Variants in NRXN3 observed in about 807,000 individuals in gnomAD.
The protein encoded by NRXN3 is neurexin 3.
A neutral mutation model predicts 137.6 loss-of-function variants in NRXN3; 32 were observed. That is an observed-to-expected ratio of 0.23 (90% CI 0.18 to 0.31). The LOEUF (loss-of-function observed/expected upper bound fraction) is 0.31, where lower values mean the gene tolerates loss of function less well. Ranked by LOEUF, NRXN3 falls within the 10% of genes least tolerant of loss-of-function variation. NRXN3 has a pLI of 1.00. For missense variants in NRXN3, 1,574 were observed against 2,062.5 expected, an observed-to-expected ratio of 0.76 and a Z score of 4.59; for synonymous variants, 798 against 784.5, an observed-to-expected ratio of 1.02 and a Z score of -0.29.
chr14:79,717,365 G>C (rs756292515), intron 19 of NRXN3, among the ~76,000 whole-genome samples: 11 of 152,168 alleles, frequency 7.2e-5, no homozygotes, highest in Non-Finnish European at 1.0e-4. Flanking sequence ...CTTGAAAATG[G>C]AACTGGCTCC....
intron 4 of NRXN3, among the ~76,000 whole-genome samples, chr14:78,553,394 C>A (rs533838191): frequency 6.6e-6 from 1 of 152,262 alleles, no homozygotes; most frequent in South Asian, 2.1e-4. Flanking sequence ...TTGGTGAACC[C>A]TGCTACAGTC....
intron 4 of NRXN3, among the ~76,000 whole-genome samples, chr14:78,397,793 AG>A (rs1324630078): frequency 6.6e-6 from 1 of 151,480 alleles, no homozygotes; most frequent in African/African-American, 2.4e-5. Flanking sequence ...TAGTAGAGAC[AG>A]GGTTTCACCA....
chr14:78,813,857 T>C (rs375950072), intron 10 of NRXN3, among the ~76,000 whole-genome samples: 1 of 152,200 alleles, frequency 6.6e-6, no homozygotes, highest in East Asian at 1.9e-4. Flanking sequence ...TCTAGCCTTC[T>C]TCCTTTTGGC....
At chr14:78,969,814 A>AGT (rs376306137) in intron 14 of NRXN3, among the ~76,000 whole-genome samples, 20,054 of 141,310 alleles carry the variant, frequency 0.14, 1,502 homozygotes, top group Admixed American at 0.22. Context: ...TGTACTATGT[A>AGT]GTGTGTGTGT....
intron 17 of NRXN3, among the ~76,000 whole-genome samples, chr14:79,691,575 G>A (rs1414446021): frequency 6.6e-6 from 1 of 151,972 alleles, no homozygotes; most frequent in Non-Finnish European, 1.5e-5. Context: ...CTACCTCTTT[G>A]ACAAAGATAA....
intron 19 of NRXN3, among the ~76,000 whole-genome samples, chr14:79,738,060 C>T (rs1250345718): frequency 6.6e-6 from 1 of 152,034 alleles, no homozygotes; most frequent in Non-Finnish European, 1.5e-5. Context: ...AAGATCCCAC[C>T]AGGGGGATCT....
intron 16 of NRXN3, among the ~76,000 whole-genome samples, chr14:79,581,642 A>G (rs1440173520): frequency 1.3e-5 from 2 of 152,166 alleles, no homozygotes; most frequent in African/African-American, 4.8e-5. Context: ...CTCAAGTCAA[A>G]TTATATTTCT....
intron 16 of NRXN3, among the ~76,000 whole-genome samples, chr14:79,502,558 T>C (rs1311601245): frequency 6.7e-6 from 1 of 149,068 alleles, no homozygotes; most frequent in Non-Finnish European, 1.5e-5. Flanking sequence ...TCCCTCTTCC[T>C]CTCTCTCCCT....
At chr14:78,245,864 C>A (rs929426995) in intron 2 of NRXN3, among the ~76,000 whole-genome samples, 2 of 152,132 alleles carry the variant, frequency 1.3e-5, no homozygotes, top group South Asian at 4.1e-4. Flanking sequence ...CCACTGAACC[C>A]ACTGGGAGAA....
intron 17 of NRXN3, among the ~76,000 whole-genome samples, chr14:79,668,468 C>T (rs1019084459): frequency 6.6e-6 from 1 of 152,094 alleles, no homozygotes; most frequent in African/African-American, 2.4e-5. Flanking sequence ...CCCAGTGTCA[C>T]ACAGCTTAAG....
intron 19 of NRXN3, among the ~76,000 whole-genome samples, chr14:79,794,426 G>T (rs979566815): frequency 1.3e-5 from 2 of 151,976 alleles, no homozygotes; most frequent in African/African-American, 4.8e-5. Flanking sequence ...TCTCCGGGTT[G>T]CCCTATCTTT....
Position 79,299,897 on chromosome 14 carries a change from C to T in NRXN3, c.3263-167324C>T, listed in dbSNP as rs148477458. ...TGGCATGAAGCCAAGCTATATATTGCGGGATATTTGAGCATCCATTCAGCA... is the reference window on the plus strand; with the variant it reads ...TGGCATGAAGCCAAGCTATATATTGTGGGATATTTGAGCATCCATTCAGCA... On this transcript the variant is annotated intron_variant, in intron 15 of 20. Coordinates refer to ENST00000335750, the MANE Select transcript of NRXN3 (RefSeq NM_001330195.2). 1.8e-4 allele frequency among the ~76,000 whole-genome samples: 28 copies of T among 152,118 alleles called. 1 individual carries two copies. The highest frequency in any genetic ancestry group is 3.8e-4 in the Non-Finnish European group (26 of 67,954).
At chr14:79,217,718 C>T (rs1453463871) in intron 15 of NRXN3, among the ~76,000 whole-genome samples, 3 of 151,968 alleles carry the variant, frequency 2.0e-5, no homozygotes, top group Admixed American at 6.6e-5. Context: ...ACTCTGGTAC[C>T]CTGCTCCCTC....
chr14:79,094,291 C>T (rs2049819854), intron 15 of NRXN3, among the ~76,000 whole-genome samples: 1 of 152,172 alleles, frequency 6.6e-6, no homozygotes, highest in South Asian at 2.1e-4. Flanking sequence ...TTGGTTTCAT[C>T]TGTATCCTCT....
At chr14:79,618,291 C>T (rs2098184023) in intron 16 of NRXN3, among the ~76,000 whole-genome samples, 1 of 151,988 alleles carries the variant, frequency 6.6e-6, no homozygotes, top group Non-Finnish European at 1.5e-5. Flanking sequence ...GAATGATCCC[C>T]TCATCATTCT....
chr14:78,540,998 C>A (rs912215474), intron 4 of NRXN3, among the ~76,000 whole-genome samples: 1 of 152,334 alleles, frequency 6.6e-6, no homozygotes, highest in African/African-American at 2.4e-5. Flanking sequence ...CTGTTACTCT[C>A]ATGGGCTTCC....
intron 19 of NRXN3, among the ~76,000 whole-genome samples, chr14:79,722,567 G>T (rs1241720308): frequency 6.6e-6 from 1 of 151,916 alleles, no homozygotes; most frequent in East Asian, 1.9e-4. Context: ...CCATTTCTTT[G>T]CCACTCTTTG....
chr14:79,276,539 G>T (rs1267301954), intron 15 of NRXN3, among the ~76,000 whole-genome samples: 4 of 152,126 alleles, frequency 2.6e-5, no homozygotes, highest in African/African-American at 9.7e-5. Flanking sequence ...TATGACAAGT[G>T]AAATGAATAG....
chr14:79,253,220 C>A (rs562435857), intron 15 of NRXN3, among the ~76,000 whole-genome samples: 1 of 152,128 alleles, frequency 6.6e-6, no homozygotes, highest in Admixed American at 6.5e-5. Flanking sequence ...CTTTACTGTT[C>A]TTCTGTGGGA....
Sources: gnomAD v4.1 joint callset for allele counts (sites outside exome capture counted in the v4.1 genomes callset) on GRCh38, gnomAD v4.1.1 for gene constraint, MANE v1.5 for transcripts, NCBI Gene and HGNC (gene_info 2026-07-23, HGNC 2026-07-21) for gene names.